XXYLT1: variants seen among roughly 807,000 people sequenced by gnomAD.
The protein encoded by XXYLT1 is UDP-xylose:alpha-xyloside alpha-1,3-xylosyltransferase.
In XXYLT1, 20 loss-of-function variants were observed where a neutral mutation model predicts 28.9. The ratio of observed to expected loss-of-function variants is 0.69; its 90% CI spans 0.49 to 1.00. The LOEUF (loss-of-function observed/expected upper bound fraction) is 1.00, where lower values mean the gene tolerates loss of function less well. Among genes scored for constraint, XXYLT1 ranks in the 50% least tolerant of loss-of-function variants. The pLI, the probability that XXYLT1 is intolerant of heterozygous loss-of-function variation, is 0.00. For missense variants in XXYLT1, 542 were observed against 560.1 expected (o/e 0.97, Z 0.33); for synonymous variants, 257 against 253.8 (o/e 1.01, Z -0.12).
rs1714664897 is a variant in XXYLT1, at chr3:195,069,341, T to G, written c.*374A>C. On this transcript the variant is annotated 3_prime_UTR_variant, in exon 4 of 4. Coordinates refer to ENST00000310380, the MANE Select transcript of XXYLT1 (RefSeq NM_152531.5). ...TCTCGAAAAATGGAAGGCTGTCAAT[T>G]TAAATTAAATTTATATTGGTCCAAA... 3 of 206,884 alleles carry G rather than the reference T, an allele frequency of 1.5e-5. No homozygotes were observed. In the East Asian group the frequency reaches 3.4e-4, roughly 23 times the overall value. 12.8% of individuals were successfully genotyped at this position (206,884 alleles called of 1,614,324 possible). A position where few individuals can be genotyped will look rare whatever the true frequency, so the allele number is the denominator to read the frequency against.
At chr3:195,110,378 A>G (rs568376547) in intron 3 of XXYLT1, among the ~76,000 whole-genome samples, 321 of 8,012 alleles carry the variant, frequency 0.04, 57 homozygotes, top group African/African-American at 0.13. Context: ...TGTGTGCTGT[A>G]TAAGTGTGTG....
intron 3 of XXYLT1, among the ~76,000 whole-genome samples, chr3:195,136,621 G>A (rs1719215480): frequency 2.0e-5 from 3 of 152,122 alleles, no homozygotes; most frequent in South Asian, 4.1e-4. Flanking sequence ...TTAGTATGAG[G>A]AGCAAATTTA....
intron 2 of XXYLT1, among the ~76,000 whole-genome samples, chr3:195,223,042 G>T (rs1261489593): frequency 6.6e-6 from 1 of 151,658 alleles, no homozygotes; most frequent in African/African-American, 2.4e-5. Flanking sequence ...TGGCCAATAT[G>T]GTGAAACCCC....
chr3:195,143,880 A>C (rs1187458851), intron 3 of XXYLT1, among the ~76,000 whole-genome samples: 5 of 117,904 alleles, frequency 4.2e-5, no homozygotes, highest in African/African-American at 7.4e-5. Context: ...AGATATATAT[A>C]TATATATATT....
chr3:195,229,079 T>C (rs1039353113), intron 1 of XXYLT1, among the ~76,000 whole-genome samples: 2 of 152,132 alleles, frequency 1.3e-5, no homozygotes, highest in Non-Finnish European at 2.9e-5. Context: ...TCCCAAAGTG[T>C]TGGATTACAG....
chr3:195,270,778 G>A lies in XXYLT1; in HGVS notation c.281C>T (p.Ala94Val), dbSNP rs1052082991. ...AKAKSLEGGG[A>V]GPVDYHLLMM... ...CAGCAGGTGGTAGTCCACCGGCCCG[G>A]CACCGCCGCCCTCCAAGCTCTTGGC... Residue 94 changes from alanine (A) to valine (V), a missense_variant, in exon 1 of 4, where the codon GCC (alanine) becomes GTC (valine). Ala to Val is a moderately conservative substitution (Grantham distance 64). Transcript: ENST00000310380. The A allele has an allele frequency of 1.0e-5, 16 of 1,572,186 alleles. No individual in the cohort carries two copies. Among genetic ancestry groups the A allele is most frequent in the African/African-American group, 1.4e-5 (1 of 71,016 alleles).
rs934135533 is a variant in XXYLT1, at chr3:195,076,301, G to A, written c.786-6190C>T. 3.8e-5 allele frequency among the ~76,000 whole-genome samples: 4 copies of A among 104,622 alleles called. No individual in the cohort carries two copies. The highest frequency in any genetic ancestry group is 1.7e-4 in the Admixed American group (2 of 11,946). 68.6% of individuals were successfully genotyped at this position (104,622 alleles called of 152,430 possible). A position where few individuals can be genotyped will look rare whatever the true frequency, so the allele number is the denominator to read the frequency against. The stretch of plus-strand genomic sequence containing the variant: ...GTTACCACCCACCCCACACCCACCC[G>A]TTCCAGAGAGGAAGAAGCCCGCACG... On this transcript the variant is annotated intron_variant, in intron 3 of 3. Coordinates refer to ENST00000310380, the MANE Select transcript of XXYLT1 (RefSeq NM_152531.5). The surrounding 1 kb of genome is among the most constrained non-coding windows in gnomAD (Gnocchi z 5.3).
chr3:195,223,290 A>G (rs1434467732), intron 2 of XXYLT1, among the ~76,000 whole-genome samples: 1 of 152,116 alleles, frequency 6.6e-6, no homozygotes, highest in Non-Finnish European at 1.5e-5. Flanking sequence ...CCCTCATGCT[A>G]CAGAAGGGAA....
chr3:195,184,590 C>G lies in XXYLT1; in HGVS notation c.653-28009G>C, dbSNP rs1422661481. On this transcript the variant is annotated intron_variant, in intron 2 of 3. Transcript: ENST00000310380. ...AAATCCTCAAAATGGTTTGGAAGAA[C>G]CCCCCCAAGAAACATTTAAGTCTCC... 22 of 826,794 alleles carry G rather than the reference C, an allele frequency of 2.7e-5. No individual in the cohort carries two copies. In the East Asian group the frequency reaches 3.0e-3, roughly 111 times the overall value. The allele number at this position is 826,794 out of a possible 1,614,324, so 51.2% of individuals were successfully genotyped here.
In XXYLT1 at chr3:195,195,783, C is replaced by A. The variant is rs889797169; in HGVS notation, c.652+30926G>T. On this transcript the variant is annotated intron_variant, in intron 2 of 3. Transcript: ENST00000310380. The surrounding 1 kb of genome is among the most constrained non-coding windows in gnomAD (Gnocchi z 4.4). The stretch of plus-strand genomic sequence containing the variant: ...TGGAGCCCCTTCCAGCAGGCTCACC[C>A]CTCTGGCCTGCAGGAGTTCAGCACC... Among the ~76,000 whole-genome samples, 4 of 152,156 alleles carry A rather than the reference C, an allele frequency of 2.6e-5. No individual in the cohort carries two copies. The highest frequency in any genetic ancestry group is 9.7e-5 in the African/African-American group (4 of 41,432).
chr3:195,235,433 T>C (rs971211841), intron 1 of XXYLT1, among the ~76,000 whole-genome samples: 1 of 152,230 alleles, frequency 6.6e-6, no homozygotes, highest in Non-Finnish European at 1.5e-5. Context: ...CTATCTTGAA[T>C]TTCTTTGAGT....
intron 3 of XXYLT1, among the ~76,000 whole-genome samples, chr3:195,145,138 G>A (rs908628390): frequency 2.0e-5 from 3 of 152,214 alleles, no homozygotes; most frequent in Admixed American, 1.3e-4. Context: ...TCCTTGGGCC[G>A]GTCAACATAG....
chr3:195,109,508 G>GC (rs1717346046), intron 3 of XXYLT1, among the ~76,000 whole-genome samples: 1 of 127,338 alleles, frequency 7.9e-6, no homozygotes, highest in Non-Finnish European at 1.7e-5. Flanking sequence ...TACGTGTGTG[G>GC]TGTATGAGTG....
At chr3:195,262,507 A>G (rs1445804406) in intron 1 of XXYLT1, among the ~76,000 whole-genome samples, 1 of 152,214 alleles carries the variant, frequency 6.6e-6, no homozygotes, top group Non-Finnish European at 1.5e-5. Context: ...TTGCAAAAAA[A>G]AAGTAATTAT....
intron 1 of XXYLT1, among the ~76,000 whole-genome samples, chr3:195,263,681 G>A (rs1315718308): frequency 1.3e-5 from 2 of 152,080 alleles, no homozygotes; most frequent in Admixed American, 6.5e-5. Flanking sequence ...GTTATGGTGA[G>A]AGAAAACAGA....
chr3:195,122,497 T>C (rs1718415092), intron 3 of XXYLT1, among the ~76,000 whole-genome samples: 1 of 146,176 alleles, frequency 6.8e-6, no homozygotes, highest in African/African-American at 2.4e-5. Flanking sequence ...TCAGTATCAG[T>C]ACAGCAGCTC....
intron 2 of XXYLT1, among the ~76,000 whole-genome samples, chr3:195,187,589 CAT>C (rs1722257599): frequency 6.6e-6 from 1 of 152,140 alleles, no homozygotes; most frequent in African/African-American, 2.4e-5. Context: ...AGAGCTGAAA[CAT>C]ACAGAAGGGG....
intron 3 of XXYLT1, among the ~76,000 whole-genome samples, chr3:195,155,991 C>G (rs549647344): frequency 6.6e-6 from 1 of 152,196 alleles, no homozygotes; most frequent in Non-Finnish European, 1.5e-5. Context: ...TGCGCTTCTT[C>G]GTGCTGACTA....
At chr3:195,113,236 G>A (rs1423376431) in intron 3 of XXYLT1, among the ~76,000 whole-genome samples, 1 of 152,160 alleles carries the variant, frequency 6.6e-6, no homozygotes, top group Non-Finnish European at 1.5e-5. Context: ...TGATTTCGCC[G>A]CAACTGCAGG....
Sources: allele counts gnomAD v4.1 joint callset (sites outside exome capture counted in the v4.1 genomes callset), GRCh38; gene constraint gnomAD v4.1.1; non-coding constraint Gnocchi (gnomAD v3.1); transcripts MANE v1.5; gene names NCBI Gene and HGNC (gene_info 2026-07-23, HGNC 2026-07-21).